PPP1R1C: variants seen among roughly 807,000 people sequenced by gnomAD.
The protein encoded by PPP1R1C is protein phosphatase 1 regulatory inhibitor subunit 1C.
PPP1R1C carries 15 observed loss-of-function variants against 17.4 expected under a neutral mutation model. The ratio of observed to expected loss-of-function variants is 0.86; its 90% CI spans 0.58 to 1.33. The LOEUF is 1.33. Ranked by LOEUF, PPP1R1C falls within the 40% of genes most tolerant of loss-of-function variation. The pLI, the probability that PPP1R1C is intolerant of heterozygous loss-of-function variation, is 0.00. For missense variants in PPP1R1C, 143 were observed against 130.0 expected (o/e 1.10, Z -0.48); for synonymous variants, 35 against 43.1 (o/e 0.81, Z 0.73).
At chr2:181,986,487 A>G (rs1343615331) in intron 1 of PPP1R1C, among the ~76,000 whole-genome samples, 1 of 152,204 alleles carries the variant, frequency 6.6e-6, no homozygotes, top group African/African-American at 2.4e-5. Flanking sequence ...TCATTAAAAT[A>G]ACAGTTTCAA....
intron 4 of PPP1R1C, among the ~76,000 whole-genome samples, chr2:182,079,186 G>A (rs1246323366): frequency 7.9e-5 from 12 of 152,136 alleles, no homozygotes; most frequent in Admixed American, 7.9e-4. Flanking sequence ...GAGTTGTAGA[G>A]GTTGTCATAG....
At chr2:181,983,440 A>G (rs1685228510), upstream of PPP1R1C, among the ~76,000 whole-genome samples, 1 of 152,210 alleles carries the variant, frequency 6.6e-6, no homozygotes, top group African/African-American at 2.4e-5. Flanking sequence ...GTATCATATA[A>G]GGGTTAATTA....
At chr2:182,052,785 C>A (rs1006420348) in intron 2 of PPP1R1C, among the ~76,000 whole-genome samples, 4 of 152,078 alleles carry the variant, frequency 2.6e-5, no homozygotes, top group African/African-American at 9.7e-5. Flanking sequence ...ACAAAACATA[C>A]AATTTTTATT....
intron 4 of PPP1R1C, among the ~76,000 whole-genome samples, chr2:182,091,703 C>T (rs998583570): frequency 4.6e-5 from 7 of 152,100 alleles, no homozygotes; most frequent in South Asian, 2.1e-4. Flanking sequence ...ATCAGCACTT[C>T]CAATGACCCC....
At chr2:182,036,138 A>G (rs1381297762) in intron 2 of PPP1R1C, among the ~76,000 whole-genome samples, 2 of 152,180 alleles carry the variant, frequency 1.3e-5, no homozygotes, top group African/African-American at 4.8e-5. Context: ...TTTGATTTCA[A>G]TTTATTTGGT....
intron 2 of PPP1R1C, among the ~76,000 whole-genome samples, chr2:181,995,707 A>T (rs1462404216): frequency 6.6e-6 from 1 of 151,998 alleles, no homozygotes; most frequent in Non-Finnish European, 1.5e-5. Context: ...AAATCTAGCT[A>T]AGCTGTGTGC....
chr2:181,978,016 A>G (rs1262087005), intron 2 of PPP1R1C, among the ~76,000 whole-genome samples: 1 of 152,210 alleles, frequency 6.6e-6, no homozygotes, highest in East Asian at 1.9e-4. Context: ...TAATGGACTC[A>G]TGGTTTCACA....
At chr2:181,981,138 C>T (rs376226124), upstream of PPP1R1C, among the ~76,000 whole-genome samples, 1 of 151,666 alleles carries the variant, frequency 6.6e-6, no homozygotes, top group Admixed American at 6.6e-5. Context: ...CCGTTTTAGC[C>T]GGGATGGTCT....
intron 2 of PPP1R1C, among the ~76,000 whole-genome samples, chr2:182,018,797 C>A (rs775972362): frequency 6.6e-6 from 1 of 151,932 alleles, no homozygotes; most frequent in Admixed American, 6.6e-5. Flanking sequence ...GGAAAGCAAT[C>A]GATTGAAAAA....
intron 2 of PPP1R1C, among the ~76,000 whole-genome samples, chr2:182,030,692 T>TGGAGCCTACAGAGGC (rs1189955500): frequency 6.7e-6 from 1 of 149,080 alleles, no homozygotes; most frequent in East Asian, 2.0e-4. Context: ...CCCCCAGAGG[T>TGGAGCCTACAGAGGC]GGAGCCTACA....
chr2:182,119,985 C>T (rs1689692049), downstream of PPP1R1C, among the ~76,000 whole-genome samples: 1 of 152,118 alleles, frequency 6.6e-6, no homozygotes, highest in Non-Finnish European at 1.5e-5. Flanking sequence ...CTTGCCCATG[C>T]CTATGTCCTG....
intron 4 of PPP1R1C, among the ~76,000 whole-genome samples, chr2:182,102,270 T>A (rs1689117111): frequency 6.6e-6 from 1 of 152,194 alleles, no homozygotes; most frequent in African/African-American, 2.4e-5. Context: ...AAGACCTAAT[T>A]TATGGCCACT....
At chr2:181,968,352 T>C (rs1684943776) in intron 1 of PPP1R1C, among the ~76,000 whole-genome samples, 1 of 152,228 alleles carries the variant, frequency 6.6e-6, no homozygotes, top group Admixed American at 6.5e-5. Context: ...GCTAGTAATA[T>C]TTGCTTTACA....
At chr2:182,069,647 A>T (rs1042894180) in intron 4 of PPP1R1C, among the ~76,000 whole-genome samples, 19 of 152,208 alleles carry the variant, frequency 1.2e-4, no homozygotes, top group Admixed American at 9.2e-4. Flanking sequence ...ATGTGATGCC[A>T]CTTAAACATT....
intron 4 of PPP1R1C, among the ~76,000 whole-genome samples, chr2:182,066,212 T>C (rs1374445836): frequency 1.3e-5 from 2 of 152,132 alleles, no homozygotes; most frequent in African/African-American, 4.8e-5. Flanking sequence ...TTATTCACCA[T>C]GTATTCCCCA....
rs187781711 is a variant in PPP1R1C at position 182,097,563 on chromosome 2, C to G, written c.242-19644C>G. The stretch of plus-strand genomic sequence containing the variant: ...GGGACTAAGAATCATTGGTTCACCC[C>G]TTTAGTCTTTCCATGAAACTGGTGA... On this transcript the variant is annotated intron_variant, in intron 4 of 4. Coordinates refer to ENST00000682840, the MANE Select transcript of PPP1R1C (RefSeq NM_001080545.3). Among the ~76,000 whole-genome samples, 126 of 152,280 alleles carry G rather than the reference C, an allele frequency of 8.3e-4. 1 individual carries two copies. Among genetic ancestry groups the G allele is most frequent in the African/African-American group, 2.9e-3 (119 of 41,564 alleles).
At chr2:182,024,435 A>G (rs879540524) in intron 2 of PPP1R1C, among the ~76,000 whole-genome samples, 1 of 152,186 alleles carries the variant, frequency 6.6e-6, no homozygotes, top group Non-Finnish European at 1.5e-5. Context: ...TACACTTGAA[A>G]TATTGTTAAA....
chr2:181,970,097 T>C (rs1321854362), intron 1 of PPP1R1C, among the ~76,000 whole-genome samples: 1 of 152,176 alleles, frequency 6.6e-6, no homozygotes, highest in East Asian at 1.9e-4. Flanking sequence ...TATCTCTCTG[T>C]CTCCAGGATT....
intron 1 of PPP1R1C, among the ~76,000 whole-genome samples, chr2:181,969,690 C>T (rs1266547317): frequency 6.6e-6 from 1 of 152,114 alleles, no homozygotes; most frequent in Non-Finnish European, 1.5e-5. Flanking sequence ...TTTGAATAAA[C>T]TTTCTACCCC....
Sources: allele counts gnomAD v4.1 joint callset (sites outside exome capture counted in the v4.1 genomes callset), GRCh38; gene constraint gnomAD v4.1.1; transcripts MANE v1.5; gene names NCBI Gene and HGNC (gene_info 2026-07-23, HGNC 2026-07-21).